The following AMBRA1 variants were observed in gnomAD, a reference collection of about 807,000 sequenced individuals.
The protein encoded by AMBRA1 is autophagy and beclin 1 regulator 1, also known as activating molecule in BECN1-regulated autophagy protein 1.
Under a neutral mutation model 125.4 loss-of-function variants are expected in AMBRA1, and 47 were observed. The ratio of observed to expected loss-of-function variants is 0.37; its 90% CI spans 0.30 to 0.48. The LOEUF is 0.48. AMBRA1 is among the 20% of genes least tolerant of loss of function. The probability of loss-of-function intolerance (pLI) is 0.99; values close to 1 mark genes in which losing one functional copy is unlikely to be tolerated. For missense variants in AMBRA1, 1,331 were observed against 1,693.4 expected (o/e 0.79, Z 3.76); for synonymous variants, 626 against 655.5 (o/e 0.95, Z 0.69).
chr11:46,412,285 G>A (rs1244357847), intron 15 of AMBRA1, among the ~76,000 whole-genome samples: 1 of 152,068 alleles, frequency 6.6e-6, no homozygotes, highest in African/African-American at 2.4e-5. Flanking sequence ...TGTAAATTAT[G>A]CAAATAGTTA....
chr11:46,414,878 ACT>A (rs1946465302), intron 15 of AMBRA1, among the ~76,000 whole-genome samples: 1 of 152,182 alleles, frequency 6.6e-6, no homozygotes, highest in East Asian at 1.9e-4. Context: ...GCCTTAGTCT[ACT>A]GCCAAGTGGG....
intron 9 of AMBRA1, among the ~76,000 whole-genome samples, chr11:46,495,910 AAAAGGATC>A (rs1950612958): frequency 6.6e-6 from 1 of 152,218 alleles, no homozygotes; most frequent in Non-Finnish European, 1.5e-5. Context: ...TTTGAAGTTA[AAAAGGATC>A]CTAAGCGGGG....
chr11:46,445,480 T>C (rs1383367675), intron 11 of AMBRA1, among the ~76,000 whole-genome samples: 1 of 152,154 alleles, frequency 6.6e-6, no homozygotes, highest in Non-Finnish European at 1.5e-5. Flanking sequence ...AAAATTCCCC[T>C]TTAATAATTA....
chr11:46,412,683 A>C (rs1358100417), intron 15 of AMBRA1, among the ~76,000 whole-genome samples: 1 of 152,172 alleles, frequency 6.6e-6, no homozygotes, highest in Non-Finnish European at 1.5e-5. Context: ...TGCAGATACC[A>C]AGGGCCAACT....
intron 1 of AMBRA1, among the ~76,000 whole-genome samples, chr11:46,585,892 G>A (rs923469617): frequency 5.4e-5 from 8 of 148,564 alleles, no homozygotes; most frequent in African/African-American, 1.7e-4. Context: ...CACAACCTCC[G>A]CCTCCGGGGT....
At chr11:46,565,180 C>T (rs1278602792) in intron 1 of AMBRA1, among the ~76,000 whole-genome samples, 1 of 151,980 alleles carries the variant, frequency 6.6e-6, no homozygotes, top group African/African-American at 2.4e-5. Context: ...ATCACTTGAG[C>T]CCAGGAGGCG....
At chr11:46,425,129 A>G (rs1947059129) in intron 14 of AMBRA1, among the ~76,000 whole-genome samples, 1 of 152,148 alleles carries the variant, frequency 6.6e-6, no homozygotes, top group Admixed American at 6.5e-5. Flanking sequence ...GTGAAACTCT[A>G]TCTCAAAAAA....
intron 14 of AMBRA1, among the ~76,000 whole-genome samples, chr11:46,432,072 T>G (rs1013758425): frequency 1.3e-5 from 2 of 152,188 alleles, no homozygotes; most frequent in Non-Finnish European, 2.9e-5. Flanking sequence ...TTTCATTCAT[T>G]CATTCACTTT....
intron 17 of AMBRA1, among the ~76,000 whole-genome samples, chr11:46,405,018 C>T (rs1945941562): frequency 6.6e-6 from 1 of 152,214 alleles, no homozygotes; most frequent in Non-Finnish European, 1.5e-5. Context: ...CTTGCCTTCC[C>T]CACTCATCCA....
At chr11:46,494,302 T>A in intron 9 of AMBRA1, 98 bp from the exon 10 acceptor site, 1 of 991,050 alleles carries the variant, frequency 1.0e-6, no homozygotes, top group Non-Finnish European at 1.5e-6. Context: ...TTCTTACACT[T>A]AGGAGAGGAC....
Position 46,515,877 on chromosome 11 carries a change from T to C in AMBRA1, c.2073-3064A>G, listed in dbSNP as rs561436600. ...TTTTAGTAGAGATGGGGTTTCACCATGTTGGTCAGGCTGGTCTCAAACTCC... is the reference window on the plus strand; with the variant it reads ...TTTTAGTAGAGATGGGGTTTCACCACGTTGGTCAGGCTGGTCTCAAACTCC... On this transcript the variant is annotated intron_variant, in intron 7 of 17. Transcript: ENST00000683756. Among the ~76,000 whole-genome samples the C allele has an allele frequency of 1.5e-3, 236 of 152,322 alleles. 3 individuals carry two copies. The highest frequency in any genetic ancestry group is 2.4e-3 in the Non-Finnish European group (161 of 68,026).
At chr11:46,453,826 C>T (rs1948730467) in intron 11 of AMBRA1, among the ~76,000 whole-genome samples, 2 of 152,176 alleles carry the variant, frequency 1.3e-5, no homozygotes, top group Admixed American at 6.5e-5. Flanking sequence ...AATAACTACT[C>T]TACCAGTCAT....
chr11:46,589,732 G>A (rs1197702012), intron 1 of AMBRA1, among the ~76,000 whole-genome samples: 14 of 151,582 alleles, frequency 9.2e-5, no homozygotes, highest in Admixed American at 2.6e-4. Context: ...CCATTCTCCT[G>A]CCTCAGTCTC....
chr11:46,450,809 A>G (rs1948551646), intron 11 of AMBRA1, among the ~76,000 whole-genome samples: 1 of 152,210 alleles, frequency 6.6e-6, no homozygotes, highest in South Asian at 2.1e-4. Context: ...CATGGCACAT[A>G]CATTTGCCAA....
chr11:46,470,865 T>C (rs931835670), intron 11 of AMBRA1, among the ~76,000 whole-genome samples: 2 of 152,080 alleles, frequency 1.3e-5, no homozygotes, highest in African/African-American at 2.4e-5. Context: ...TGCCAGACAA[T>C]GAATAAAACA....
At chr11:46,507,708 C>T (rs1951105375) in intron 9 of AMBRA1, among the ~76,000 whole-genome samples, 1 of 152,128 alleles carries the variant, frequency 6.6e-6, no homozygotes, top group African/African-American at 2.4e-5. Context: ...GGAGTAGGAT[C>T]TTAAAGAGTC....
chr11:46,412,442 G>T (rs981342156), intron 15 of AMBRA1, among the ~76,000 whole-genome samples: 1 of 151,748 alleles, frequency 6.6e-6, no homozygotes, highest in East Asian at 1.9e-4. Context: ...GCCTCACCAC[G>T]CCTGGCTAAT....
At chr11:46,407,946 G>A (rs529552787) in intron 17 of AMBRA1, among the ~76,000 whole-genome samples, 1 of 152,324 alleles carries the variant, frequency 6.6e-6, no homozygotes, top group African/African-American at 2.4e-5. Context: ...CTGCTGGGAA[G>A]TGCTAATTGG....
chr11:46,589,272 T>C (rs1030496559), intron 1 of AMBRA1, among the ~76,000 whole-genome samples: 3 of 151,976 alleles, frequency 2.0e-5, no homozygotes, highest in African/African-American at 7.3e-5. Context: ...CAAAAAAAAA[T>C]TGATCACATT....
Sources: gnomAD v4.1 joint callset for allele counts (sites outside exome capture counted in the v4.1 genomes callset) on GRCh38, gnomAD v4.1.1 for gene constraint, MANE v1.5 for transcripts, NCBI Gene and HGNC (gene_info 2026-07-23, HGNC 2026-07-21) for gene names.